Variants in EFHB observed in about 807,000 individuals in gnomAD.
EFHB encodes the protein EF-hand domain family member B, also known as EF-hand domain-containing family member B.
EFHB carries 91 observed loss-of-function variants against 87.2 expected under a neutral mutation model. That is an observed-to-expected ratio of 1.04 (90% CI 0.88 to 1.24). EFHB has a LOEUF of 1.24. Among genes scored for constraint, EFHB ranks in the 50% most tolerant of loss-of-function variants. EFHB has a pLI of 0.00. For missense variants in EFHB, 1,084 were observed against 998.8 expected (o/e 1.09, Z -1.15); for synonymous variants, 325 against 333.6 (o/e 0.97, Z 0.28).
chr3:19,902,052 C>A (rs979093333), intron 6 of EFHB, among the ~76,000 whole-genome samples: 1 of 152,150 alleles, frequency 6.6e-6, no homozygotes, highest in Middle Eastern at 3.4e-3. Flanking sequence ...TAGTCAAGAA[C>A]TGCCTGGAGT....
chr3:19,897,644 C>A (rs1391376168), intron 8 of EFHB, among the ~76,000 whole-genome samples: 1 of 152,166 alleles, frequency 6.6e-6, no homozygotes, highest in African/African-American at 2.4e-5. Flanking sequence ...GACAGCAAGA[C>A]AGAGCACCCA....
intron 1 of EFHB, among the ~76,000 whole-genome samples, chr3:19,923,614 A>G (rs1332816698): frequency 1.3e-5 from 2 of 152,080 alleles, no homozygotes; most frequent in Non-Finnish European, 2.9e-5. Flanking sequence ...AGCTCAAGTG[A>G]TCTGCCTGCC....
intron 5 of EFHB, among the ~76,000 whole-genome samples, chr3:19,913,709 G>A (rs930779420): frequency 6.6e-6 from 1 of 152,062 alleles, no homozygotes; most frequent in Non-Finnish European, 1.5e-5. Context: ...AAGTGTATAT[G>A]AAACCACAAA....
At chr3:19,881,259 C>G (rs1335950182) in intron 12 of EFHB, among the ~76,000 whole-genome samples, 2 of 152,180 alleles carry the variant, frequency 1.3e-5, no homozygotes, top group Non-Finnish European at 2.9e-5. Flanking sequence ...CCCAGACCTT[C>G]TCCCCTGCTT....
intron 5 of EFHB, among the ~76,000 whole-genome samples, chr3:19,912,868 T>C (rs1296788196): frequency 6.6e-6 from 1 of 152,174 alleles, no homozygotes; most frequent in Non-Finnish European, 1.5e-5. Context: ...CCCAAGTATT[T>C]TTCAGCATAT....
chr3:19,930,804 T>C (rs1291128935), intron 1 of EFHB, among the ~76,000 whole-genome samples: 1 of 152,068 alleles, frequency 6.6e-6, no homozygotes, highest in Non-Finnish European at 1.5e-5. Flanking sequence ...TCTTGCTATG[T>C]TGCCCAGGCT....
In EFHB at chr3:19,884,266, G is replaced by A. The variant is rs1574988775; in HGVS notation, c.2146+137C>T. 3.9e-6 allele frequency: 3 copies of A among 766,460 alleles called. No individual in the cohort carries two copies. The South Asian group carries it at 5.9e-5, about 15-fold the overall frequency. 47.5% of individuals were successfully genotyped at this position (766,460 alleles called of 1,614,324 possible). ...TTATATGTGGGCCTCTCCTCCCCAGGTGGTTAGAATATGAATTAAATGCAA... is the reference window on the plus strand; with the variant it reads ...TTATATGTGGGCCTCTCCTCCCCAGATGGTTAGAATATGAATTAAATGCAA... On this transcript the variant is annotated intron_variant, in intron 11 of 12. Coordinates refer to ENST00000295824, the MANE Select transcript of EFHB (RefSeq NM_144715.4).
At chr3:19,897,147 G>T (rs1040858742) in intron 8 of EFHB, among the ~76,000 whole-genome samples, 2 of 152,200 alleles carry the variant, frequency 1.3e-5, no homozygotes, top group African/African-American at 4.8e-5. Flanking sequence ...TGAAGTTCTT[G>T]CTTGACTACC....
At chr3:19,893,264 C>T (rs953576724) in intron 9 of EFHB, among the ~76,000 whole-genome samples, 2 of 152,090 alleles carry the variant, frequency 1.3e-5, no homozygotes, top group African/African-American at 4.8e-5. Context: ...TTCGCCTAGA[C>T]CTTTTGTTAG....
rs1694191833 is a variant in EFHB at position 19,888,607 on chromosome 3, A to C, written c.1770T>G (p.Cys590Trp). ...MIDKDELQEACDQANLSLDDK... is the reference protein window; with the variant it reads ...MIDKDELQEAWDQANLSLDDK... ...CATCTAAACTCAAGTTGGCCTGGTC[A>C]CAAGCTTCCTGCAGCTCGTCTTTAT... is the stretch of plus-strand genomic sequence containing the variant. The change falls in exon 10 of 13, where the codon TGT becomes TGG. Residue 590 changes from cysteine to tryptophan, a missense_variant. Transcript: ENST00000295824. The C allele has an allele frequency of 1.1e-5, 18 of 1,607,816 alleles. No individual in the cohort carries two copies. The highest frequency in any genetic ancestry group is 1.5e-5 in the Non-Finnish European group (18 of 1,176,826).
At chr3:19,928,227 A>G (rs1695697357) in intron 1 of EFHB, among the ~76,000 whole-genome samples, 1 of 152,130 alleles carries the variant, frequency 6.6e-6, no homozygotes, top group Non-Finnish European at 1.5e-5. Context: ...AAGATGGTTT[A>G]CCCTTAGAAA....
chr3:19,933,245 G>C lies in EFHB; in HGVS notation c.774C>G (p.Thr258=). 5 of 1,612,924 alleles carry C rather than the reference G, an allele frequency of 3.1e-6. No homozygotes were observed. Among genetic ancestry groups the C allele is most frequent in the Non-Finnish European group, 4.2e-6 (5 of 1,179,112 alleles). Residue 258 remains threonine (T), a synonymous_variant, in exon 1 of 13, where the codon ACC becomes ACG. Coordinates refer to ENST00000295824, the MANE Select transcript of EFHB (RefSeq NM_144715.4). ...PIYSGKFFDR[T]PCWPSAGKVI... is the part of the protein sequence containing the mutation. ...AAAAACTTACACTTGGCCAGCAAGG[G>C]GTCCGATCAAAAAACTTCCCAGAGT...
At chr3:19,881,167 C>T (rs1474585395) in intron 12 of EFHB, among the ~76,000 whole-genome samples, 1 of 152,190 alleles carries the variant, frequency 6.6e-6, no homozygotes, top group Non-Finnish European at 1.5e-5. Flanking sequence ...CTATGCATAG[C>T]TGCTATTTTC....
intron 5 of EFHB, among the ~76,000 whole-genome samples, chr3:19,911,281 G>A (rs1023081504): frequency 3.3e-5 from 5 of 152,062 alleles, no homozygotes; most frequent in African/African-American, 4.8e-5. Flanking sequence ...TCAAGCAAAG[G>A]CCAGGCGTGG....
chr3:19,922,035 C>T (rs1031192054), intron 1 of EFHB, among the ~76,000 whole-genome samples: 5 of 151,842 alleles, frequency 3.3e-5, no homozygotes, highest in Non-Finnish European at 7.4e-5. Context: ...CATGGTGGTG[C>T]GTGCCTGTAA....
intron 5 of EFHB, among the ~76,000 whole-genome samples, chr3:19,911,478 A>T (rs765862810): frequency 1.3e-5 from 2 of 152,052 alleles, no homozygotes; most frequent in African/African-American, 2.4e-5. Context: ...GAATCACTTG[A>T]ACCTGGGAGG....
chr3:19,930,789 C>T (rs769087277), intron 1 of EFHB, among the ~76,000 whole-genome samples: 1 of 152,006 alleles, frequency 6.6e-6, no homozygotes, highest in African/African-American at 2.4e-5. Flanking sequence ...TTTGTATAGG[C>T]AGAGTCTTGC....
chr3:19,884,717 T>G lies in EFHB; in HGVS notation c.1934-102A>C, dbSNP rs187827907. On this transcript the variant is annotated intron_variant, in intron 10 of 12. Coordinates refer to ENST00000295824, the MANE Select transcript of EFHB (RefSeq NM_144715.4). ...GTTTTCCCATCTAGTCTCTTCTTGC[T>G]AATGGAAACAGCTGGCATGACCCCT... 48 of 1,144,378 alleles carry G rather than the reference T, an allele frequency of 4.2e-5. No individual in the cohort carries two copies. In the East Asian group the frequency reaches 1.1e-3, roughly 27 times the overall value. 70.9% of individuals were successfully genotyped at this position (1,144,378 alleles called of 1,614,324 possible). A position where few individuals can be genotyped will look rare whatever the true frequency, so the allele number is the denominator to read the frequency against.
chr3:19,879,626 A>G lies in EFHB; in HGVS notation c.*5T>C. 1 of 1,548,110 alleles carries G rather than the reference A, an allele frequency of 6.5e-7. No homozygotes were observed. Among genetic ancestry groups the G allele is most frequent in the African/African-American group, 1.4e-5 (1 of 72,370 alleles). On this transcript the variant is annotated 3_prime_UTR_variant, in exon 13 of 13. Coordinates refer to ENST00000295824, the MANE Select transcript of EFHB (RefSeq NM_144715.4). ...TTTTGCTTGAATGAATGAAGTCCAA[A>G]AATATCACATGAGTGTTTTACACTT...
Sources: gnomAD v4.1 joint callset for allele counts (sites outside exome capture counted in the v4.1 genomes callset) on GRCh38, gnomAD v4.1.1 for gene constraint, MANE v1.5 for transcripts, NCBI Gene and HGNC (gene_info 2026-07-23, HGNC 2026-07-21) for gene names.